Variants in CYRIB observed in about 807,000 individuals in gnomAD.
CYRIB encodes the protein CYFIP related Rac1 interactor B.
CYRIB carries 8 observed loss-of-function variants against 44.2 expected under a neutral mutation model. The observed-to-expected ratio is 0.18, with a 90% confidence interval of 0.11 to 0.33. The LOEUF is 0.33. CYRIB is among the 10% of genes least tolerant of loss of function. The pLI is 1.00. For synonymous variants in CYRIB, 131 were observed against 127.2 expected (o/e 1.03, Z -0.20); for missense variants, 185 against 382.8 (o/e 0.48, Z 4.31).
At chr8:129,955,928 G>A (rs2094800932) in intron 2 of CYRIB, among the ~76,000 whole-genome samples, 1 of 152,312 alleles carries the variant, frequency 6.6e-6, no homozygotes, top group South Asian at 2.1e-4. Flanking sequence ...CCATCGGGAT[G>A]GGATAGGTTA....
intron 5 of CYRIB, among the ~76,000 whole-genome samples, chr8:129,859,434 G>A (rs139741891): frequency 0.052 from 7,907 of 151,944 alleles, 695 homozygotes; most frequent in African/African-American, 0.18. Context: ...GCCCTCCACA[G>A]GAGGTGGAGG....
intron 7 of CYRIB, among the ~76,000 whole-genome samples, chr8:129,853,648 T>G (rs147194940): frequency 6.6e-6 from 1 of 152,212 alleles, no homozygotes; most frequent in Non-Finnish European, 1.5e-5. Context: ...TGGTATTTAG[T>G]TCCTTGGAGG....
intron 1 of CYRIB, among the ~76,000 whole-genome samples, chr8:129,912,836 G>A (rs927775548): frequency 6.6e-6 from 1 of 151,926 alleles, no homozygotes; most frequent in Non-Finnish European, 1.5e-5. Context: ...TAATCTGTGT[G>A]TCATGTTTAC....
intron 2 of CYRIB, among the ~76,000 whole-genome samples, chr8:129,956,590 G>A (rs1172203877): frequency 6.6e-6 from 1 of 151,880 alleles, no homozygotes; most frequent in East Asian, 1.9e-4. Flanking sequence ...CATGCTCCCT[G>A]TATGACAGTA....
At chr8:129,893,343 A>G (rs1162683026) in intron 2 of CYRIB, among the ~76,000 whole-genome samples, 1 of 152,210 alleles carries the variant, frequency 6.6e-6, no homozygotes, top group Non-Finnish European at 1.5e-5. Context: ...TTCACAGACA[A>G]GTGGAAGAGA....
chr8:129,943,247 TAGAGG>T, upstream of CYRIB, among the ~76,000 whole-genome samples: 1 of 151,890 alleles, frequency 6.6e-6, no homozygotes, highest in East Asian at 1.9e-4. Flanking sequence ...TTCAGAAGGG[TAGAGG>T]AAACAGCTTT....
intron 1 of CYRIB, among the ~76,000 whole-genome samples, chr8:129,922,198 C>A (rs1165862445): frequency 1.3e-5 from 2 of 152,140 alleles, no homozygotes; most frequent in African/African-American, 4.8e-5. Flanking sequence ...AATTCTGTAA[C>A]CTACCTGTCA....
intron 1 of CYRIB, among the ~76,000 whole-genome samples, chr8:130,000,049 A>G (rs1410673213): frequency 1.3e-5 from 2 of 152,174 alleles, no homozygotes; most frequent in African/African-American, 4.8e-5. Flanking sequence ...TCGAAACTGT[A>G]AGGACAAGGA....
chr8:129,877,999 T>A (rs1046586366), intron 3 of CYRIB, among the ~76,000 whole-genome samples: 15 of 152,182 alleles, frequency 9.9e-5, no homozygotes, highest in African/African-American at 3.6e-4. Context: ...TGAAAGAATA[T>A]CTTCAAGTCA....
chr8:129,884,941 T>A lies in CYRIB; in HGVS notation c.-10-5470A>T, dbSNP rs552599968. On this transcript the variant is annotated intron_variant, in intron 2 of 11. Transcript: ENST00000519824. ...AAAGGAACACGCCCTTCCTGGCCGGTAGTCTGTGGAATGTATTTTTAAGCT... is the reference window on the plus strand; with the variant it reads ...AAAGGAACACGCCCTTCCTGGCCGGAAGTCTGTGGAATGTATTTTTAAGCT... 3.3e-5 allele frequency among the ~76,000 whole-genome samples: 5 copies of A among 152,316 alleles called. No individual in the cohort carries two copies. In the East Asian group the frequency reaches 7.7e-4, roughly 23 times the overall value.
intron 2 of CYRIB, among the ~76,000 whole-genome samples, chr8:129,958,167 A>C (rs1007476201): frequency 6.6e-6 from 1 of 152,058 alleles, no homozygotes; most frequent in Non-Finnish European, 1.5e-5. Flanking sequence ...GGGGAAAAAA[A>C]ATATTAATTT....
At chr8:129,876,690 T>A (rs150944513) in intron 3 of CYRIB, among the ~76,000 whole-genome samples, 1 of 150,424 alleles carries the variant, frequency 6.6e-6, no homozygotes, top group Non-Finnish European at 1.5e-5. Flanking sequence ...AGCGAGGTAA[T>A]CTGCATGAAT....
intron 1 of CYRIB, among the ~76,000 whole-genome samples, chr8:129,909,619 T>C (rs2077014005): frequency 6.6e-6 from 1 of 152,236 alleles, no homozygotes; most frequent in African/African-American, 2.4e-5. Flanking sequence ...TCTAACCTTT[T>C]GCTCTTTTAA....
intron 1 of CYRIB, among the ~76,000 whole-genome samples, chr8:129,926,651 C>T (rs2087935362): frequency 6.6e-6 from 1 of 152,196 alleles, no homozygotes; most frequent in African/African-American, 2.4e-5. Flanking sequence ...GCGAATTCAA[C>T]CTTGTAACCC....
At chr8:129,869,381 C>CAAAAAAAA (rs572134261) in intron 4 of CYRIB, among the ~76,000 whole-genome samples, 1 of 74,084 alleles carries the variant, frequency 1.3e-5, no homozygotes, top group Non-Finnish European at 2.8e-5. Context: ...AACTCTGCCT[C>CAAAAAAAA]AAAAAAAAAA....
intron 2 of CYRIB, among the ~76,000 whole-genome samples, chr8:129,968,649 C>G (rs1288010449): frequency 1.3e-5 from 2 of 152,148 alleles, no homozygotes; most frequent in African/African-American, 4.8e-5. Flanking sequence ...TGGTACTAGA[C>G]CAGTTCTTAC....
intron 1 of CYRIB, among the ~76,000 whole-genome samples, chr8:129,908,312 T>C (rs1386906826): frequency 1.3e-5 from 2 of 152,012 alleles, no homozygotes; most frequent in Admixed American, 6.6e-5. Flanking sequence ...TAAACGATAA[T>C]TTGTAACAGG....
chr8:129,929,011 C>G (rs377746774), intron 1 of CYRIB, among the ~76,000 whole-genome samples: 7 of 152,308 alleles, frequency 4.6e-5, no homozygotes, highest in African/African-American at 7.2e-5. Context: ...TTATTTATAA[C>G]AGCCAAAAAC....
At chr8:129,976,123 C>G (rs2095904356) in intron 1 of CYRIB, among the ~76,000 whole-genome samples, 1 of 152,102 alleles carries the variant, frequency 6.6e-6, no homozygotes, top group South Asian at 2.1e-4. Context: ...TACTCCTTCC[C>G]CTCAGTGGAT....
Sources: allele counts gnomAD v4.1 joint callset (sites outside exome capture counted in the v4.1 genomes callset), GRCh38; gene constraint gnomAD v4.1.1; transcripts MANE v1.5; gene names NCBI Gene and HGNC (gene_info 2026-07-23, HGNC 2026-07-21).